P4HB: variants seen among roughly 807,000 people sequenced by gnomAD.
P4HB encodes the protein prolyl 4-hydroxylase subunit beta, also known as protein disulfide-isomerase.
Under a neutral mutation model 52.6 loss-of-function variants are expected in P4HB, and 20 were observed. The observed-to-expected ratio is 0.38, with a 90% CI of 0.27 to 0.55. P4HB has a LOEUF of 0.55. P4HB is among the 20% of genes least tolerant of loss of function. The pLI is 0.74. For missense variants in P4HB, 601 were observed against 669.2 expected, an observed-to-expected ratio of 0.90 and a Z score of 1.12; for synonymous variants, 296 against 277.9, an observed-to-expected ratio of 1.07 and a Z score of -0.65.
At chr17:81,844,467 G>A (rs977730616) in intron 10 of P4HB, among the ~76,000 whole-genome samples, 1 of 152,174 alleles carries the variant, frequency 6.6e-6, no homozygotes, top group African/African-American at 2.4e-5. Context: ...TGAAGTCCAG[G>A]CACAGTCACC....
Position 81,846,041 on chromosome 17 carries a change from C to T in P4HB, c.1057-50G>A. The T allele has an allele frequency of 2.6e-6, 4 of 1,538,372 alleles. No individual in the cohort carries two copies. Among genetic ancestry groups the T allele is most frequent in the Non-Finnish European group, 1.8e-6 (2 of 1,141,616 alleles). ...AGGGGCGGCGATGCCTGGGGGACCA[C>T]AGAGCTCCCCAACCCTCACCCTGCC... On this transcript the variant is annotated intron_variant, in intron 7 of 10. Transcript: ENST00000331483. This position sits in a 1 kb window ranked among gnomAD's most constrained non-coding sequence, Gnocchi z 5.7.
intron 1 of P4HB, 41 bp from the exon 2 acceptor site, chr17:81,859,428 C>G (rs368447559): frequency 8.3e-6 from 13 of 1,557,480 alleles, no homozygotes; most frequent in East Asian, 2.3e-5. Flanking sequence ...GCCTTGATCC[C>G]TAAAGCAGCC....
chr17:81,845,785 C>T, intron 8 of P4HB, 43 bp from the exon 9 acceptor site: 1 of 1,612,554 alleles, frequency 6.2e-7, no homozygotes, highest in Non-Finnish European at 8.5e-7. Context: ...GACACAAAGC[C>T]ACTGGCAGAC....
intron 4 of P4HB, among the ~76,000 whole-genome samples, chr17:81,849,374 T>G (rs1053314756): frequency 2.0e-4 from 31 of 151,922 alleles, no homozygotes; most frequent in African/African-American, 7.5e-4. Flanking sequence ...CGGGTGCCTG[T>G]AATCCCAACT....
At chr17:81,848,837 G>C (rs990965043) in intron 4 of P4HB, among the ~76,000 whole-genome samples, 4 of 150,452 alleles carry the variant, frequency 2.7e-5, no homozygotes, top group Non-Finnish European at 5.9e-5. Flanking sequence ...TTGAGTTCAC[G>C]AGTTTGGGAC....
chr17:81,858,371 G>A (rs539608524), intron 2 of P4HB, among the ~76,000 whole-genome samples: 1 of 151,520 alleles, frequency 6.6e-6, no homozygotes, highest in East Asian at 1.9e-4. Flanking sequence ...GGGACAAAAG[G>A]AAACATCAAA....
At chr17:81,851,123 G>A (rs537022190) in intron 4 of P4HB, among the ~76,000 whole-genome samples, 1 of 151,822 alleles carries the variant, frequency 6.6e-6, no homozygotes, top group African/African-American at 2.4e-5. Flanking sequence ...GTAGAGACGG[G>A]GTTTCACCGT....
In P4HB at chr17:81,846,613, A is replaced by G. The variant is rs765740767; in HGVS notation, c.872T>C (p.Ile291Thr). Residue 291 changes from isoleucine (I) to threonine (T), a missense_variant, in exon 7 of 11, where the codon ATC becomes ACC. By Grantham distance (89) the Ile-to-Thr change is moderately conservative (BLOSUM62 -1). Transcript: ENST00000331483. The surrounding 1 kb of genome is among the most constrained non-coding windows in gnomAD (Gnocchi z 5.7). Reference protein sequence around the residue: ...SFKGKILFIFIDSDHTDNQRI... With the variant: ...SFKGKILFIFTDSDHTDNQRI... ...CTGGTTGTCGGTGTGGTCGCTGTCG[A>G]TGAAGATGAACAGGATCTGGGGGAG... 1 of 1,613,826 alleles carries G rather than the reference A, an allele frequency of 6.2e-7. No homozygotes were observed. Among genetic ancestry groups the G allele is most frequent in the East Asian group, 2.2e-5 (1 of 44,876 alleles).
intron 2 of P4HB, among the ~76,000 whole-genome samples, chr17:81,857,171 C>T (rs1326429865): frequency 1.3e-5 from 2 of 152,070 alleles, no homozygotes; most frequent in African/African-American, 4.8e-5. Flanking sequence ...TTTTTTGAAA[C>T]GAAGTCTCAC....
intron 4 of P4HB, among the ~76,000 whole-genome samples, chr17:81,850,937 C>CT (rs1200513966): frequency 7.4e-4 from 107 of 144,734 alleles, no homozygotes; most frequent in East Asian, 2.0e-3. Flanking sequence ...CCCCTTGAAC[C>CT]TTTTTTTTTT....
chr17:81,843,968 AG>A lies in P4HB; in HGVS notation c.*43del. 1.4e-6 allele frequency: 2 copies of A among 1,407,306 alleles called. No homozygotes were observed. The highest frequency in any genetic ancestry group is 2.0e-6 in the Non-Finnish European group (2 of 992,188). The allele number at this position is 1,407,306 out of a possible 1,614,324, so 87.2% of individuals were successfully genotyped here. On this transcript the variant is annotated 3_prime_UTR_variant, in exon 11 of 11. Transcript: ENST00000331483. ...AGGCGTGCGCTGCTGCTGGGTGTGC[AG>A]CCCCCGAGGGGTCTCGGCAGCGCCC...
At chr17:81,859,774 A>G (rs74006120) in intron 1 of P4HB, 60,929 of 290,766 alleles carry the variant, frequency 0.21, 7,615 homozygotes, top group African/African-American at 0.39. Context: ...TACCAGCACT[A>G]GCTGTGAGTA....
In P4HB at chr17:81,846,757, A is replaced by G; in HGVS notation, c.856-128T>C. ...CCAACCTGGATTCCGGGGTTGCCCAACCAGACCAGCAGGTGACTGGGAGCA... is the reference window on the plus strand; with the variant it reads ...CCAACCTGGATTCCGGGGTTGCCCAGCCAGACCAGCAGGTGACTGGGAGCA... On this transcript the variant is annotated intron_variant, in intron 6 of 10. Coordinates refer to ENST00000331483, the MANE Select transcript of P4HB (RefSeq NM_000918.4). The surrounding 1 kb of genome is among the most constrained non-coding windows in gnomAD (Gnocchi z 5.7). 3 of 1,224,824 alleles carry G rather than the reference A, an allele frequency of 2.4e-6. No homozygotes were observed. The highest frequency in any genetic ancestry group is 2.6e-5 in the South Asian group (2 of 75,576). The allele number at this position is 1,224,824 out of a possible 1,614,324, so 75.9% of individuals were successfully genotyped here. A position where few individuals can be genotyped will look rare whatever the true frequency, so the allele number is the denominator to read the frequency against.
rs551790555 is a variant in P4HB, at chr17:81,844,189, C to T, written c.1447-97G>A. ...CACACTGCTCACACCGGGGACTAGC[C>T]GGCCACGGCGGACATGGCCACCGGC... is the stretch of plus-strand genomic sequence containing the variant. On this transcript the variant is annotated intron_variant, in intron 10 of 10. Transcript: ENST00000331483. The T allele has an allele frequency of 1.1e-4, 98 of 880,058 alleles. 1 individual carries two copies. Among genetic ancestry groups the T allele is most frequent in the African/African-American group, 3.0e-4 (18 of 60,826 alleles). 54.5% of individuals were successfully genotyped at this position (880,058 alleles called of 1,614,324 possible).
In P4HB at chr17:81,854,752, G is replaced by C. The variant is rs532115598; in HGVS notation, c.624+390C>G. On this transcript the variant is annotated intron_variant, in intron 4 of 10. Transcript: ENST00000331483. Reference sequence around the variant, plus strand: ...AGCTACTCGGGAGGCCGAGGCAGGAGAATCACTTGAACCCAGGAGGCGGAG... The same window carrying C: ...AGCTACTCGGGAGGCCGAGGCAGGACAATCACTTGAACCCAGGAGGCGGAG... Among the ~76,000 whole-genome samples the C allele has an allele frequency of 6.6e-5, 10 of 151,388 alleles. No individual in the cohort carries two copies. The East Asian group carries it at 1.9e-3, about 29-fold the overall frequency.
At chr17:81,850,134 AT>A (rs1313159653) in intron 4 of P4HB, among the ~76,000 whole-genome samples, 4 of 138,926 alleles carry the variant, frequency 2.9e-5, no homozygotes, top group Admixed American at 2.9e-4. Context: ...GGCCCAAACT[AT>A]TTTATTTTTT....
At chr17:81,850,164 C>T (rs980034341) in intron 4 of P4HB, among the ~76,000 whole-genome samples, 4 of 151,360 alleles carry the variant, frequency 2.6e-5, no homozygotes, top group Admixed American at 2.0e-4. Flanking sequence ...CGGAGTTTCA[C>T]TCTTGTTGCC....
chr17:81,852,019 C>G (rs2038839849), intron 4 of P4HB, among the ~76,000 whole-genome samples: 1 of 152,176 alleles, frequency 6.6e-6, no homozygotes, highest in Non-Finnish European at 1.5e-5. Flanking sequence ...CCCATTTCCA[C>G]AGAAGTATTA....
intron 2 of P4HB, among the ~76,000 whole-genome samples, chr17:81,856,995 A>T (rs566199256): frequency 6.6e-6 from 1 of 151,004 alleles, no homozygotes; most frequent in Non-Finnish European, 1.5e-5. Flanking sequence ...GTTGCCTAGG[A>T]TGGTCTCAAA....
Sources: gnomAD v4.1 joint callset for allele counts (sites outside exome capture counted in the v4.1 genomes callset) on GRCh38, gnomAD v4.1.1 for gene constraint, Gnocchi (gnomAD v3.1) non-coding constraint, MANE v1.5 for transcripts, NCBI Gene and HGNC (gene_info 2026-07-23, HGNC 2026-07-21) for gene names.